Variants in VCL observed in about 807,000 individuals in gnomAD.
VCL encodes the protein vinculin, also known as epididymis luminal protein 114.
Under a neutral mutation model 125.7 loss-of-function variants are expected in VCL, and 47 were observed. That is an observed-to-expected ratio of 0.37 (90% CI 0.30 to 0.48). The LOEUF (loss-of-function observed/expected upper bound fraction) is 0.48. VCL is among the 20% of genes least tolerant of loss of function. VCL has a pLI of 0.99. For missense variants in VCL, 1,069 were observed against 1,455.5 expected, an observed-to-expected ratio of 0.73 and a Z score of 4.32; for synonymous variants, 458 against 514.6, an observed-to-expected ratio of 0.89 and a Z score of 1.49.
intron 20 of VCL, 151 bp downstream of exon 20, chr10:74,114,538 C>T (rs775023669): frequency 9.4e-7 from 1 of 1,060,766 alleles, no homozygotes. Context: ...ACAGAAATAG[C>T]AGAAAGGGAA....
chr10:74,105,299 A>T lies in VCL; in HGVS notation c.2380A>T (p.Ile794Phe), dbSNP rs1840113947. 6.2e-7 allele frequency: 1 copy of T among 1,613,246 alleles called. No individual in the cohort carries two copies. The highest frequency in any genetic ancestry group is 1.3e-5 in the African/African-American group (1 of 74,852). Reference protein sequence around the residue: ...KAASDELSKTISPMVMDAKAV... With the variant: ...KAASDELSKTFSPMVMDAKAV... Reference sequence around the variant, plus strand: ...TGCCTCTGATGAATTGAGCAAAACCATCTCCCCGATGGTGATGGATGCAAA... The same window carrying T: ...TGCCTCTGATGAATTGAGCAAAACCTTCTCCCCGATGGTGATGGATGCAAA... Residue 794 changes from isoleucine (I) to phenylalanine (F), a missense_variant, in exon 16 of 22, where the codon ATC becomes TTC. By Grantham distance (21) the Ile-to-Phe change is conservative. This residue lies in a region of VCL where 760 missense variants were observed against 928.9 expected (regional missense o/e 0.82). Coordinates refer to ENST00000211998, the MANE Select transcript of VCL (RefSeq NM_014000.3).
At chr10:74,075,793 G>C (rs1036368873) in intron 6 of VCL, 1 of 152,616 alleles carries the variant, frequency 6.6e-6, no homozygotes, top group African/African-American at 2.4e-5. Flanking sequence ...TATGTTCTCC[G>C]GGATCTGTAA....
chr10:74,039,645 G>A (rs1841057066), intron 1 of VCL, among the ~76,000 whole-genome samples: 1 of 151,994 alleles, frequency 6.6e-6, no homozygotes, highest in Admixed American at 6.6e-5. Context: ...AATTAGCTAG[G>A]CGTGGTGTCT....
intron 10 of VCL, 38 bp downstream of exon 10, chr10:74,090,236 T>C (rs542252996): frequency 4.4e-6 from 7 of 1,608,312 alleles, no homozygotes; most frequent in Non-Finnish European, 6.0e-6. Context: ...TTCATATCTT[T>C]TCTTCTCTTT....
In VCL at chr10:74,102,860, C is replaced by T. The variant is rs576923420; in HGVS notation, c.2023-960C>T. Among the ~76,000 whole-genome samples the T allele has an allele frequency of 2.6e-5, 4 of 152,074 alleles. 1 individual carries two copies. The highest frequency in any genetic ancestry group is 4.8e-5 in the African/African-American group (2 of 41,478). On this transcript the variant is annotated intron_variant, in intron 14 of 21. Transcript: ENST00000211998. ...TCTGGAGACAGATTTGGACTTGAGA[C>T]CTCTGTGAGTTTTTTTTTTTTTCCG...
chr10:74,005,805 A>G (rs1183965152), intron 1 of VCL, among the ~76,000 whole-genome samples: 2 of 152,148 alleles, frequency 1.3e-5, no homozygotes, highest in African/African-American at 4.8e-5. Context: ...TGTAATACCT[A>G]ATATGATGTA....
chr10:74,031,818 A>G (rs945450244), intron 1 of VCL, among the ~76,000 whole-genome samples: 21 of 152,048 alleles, frequency 1.4e-4, no homozygotes. Context: ...TAATCCCAGC[A>G]CTTTGGGAGG....
At chr10:74,113,905 T>C (rs1256286596) in intron 19 of VCL, among the ~76,000 whole-genome samples, 2 of 152,214 alleles carry the variant, frequency 1.3e-5, no homozygotes, top group Non-Finnish European at 2.9e-5. Context: ...GGTCTTCCTT[T>C]TTTTTAGTCA....
chr10:74,074,602 C>A, intron 5 of VCL, 141 bp from the exon 6 acceptor site: 1 of 930,190 alleles, frequency 1.1e-6, no homozygotes, highest in Non-Finnish European at 1.6e-6. Context: ...ACTTTATTGT[C>A]AAACTTGTAG....
At chr10:74,010,047 C>A (rs1840402763) in intron 1 of VCL, among the ~76,000 whole-genome samples, 1 of 152,128 alleles carries the variant, frequency 6.6e-6, no homozygotes, top group Non-Finnish European at 1.5e-5. Flanking sequence ...TCTTCAGCCT[C>A]CCAAGTAGCC....
intron 1 of VCL, among the ~76,000 whole-genome samples, chr10:74,031,560 A>G (rs1051097536): frequency 6.6e-6 from 1 of 152,228 alleles, no homozygotes; most frequent in African/African-American, 2.4e-5. Flanking sequence ...AGCCTTCTTA[A>G]GTGTTACACC....
intron 8 of VCL, among the ~76,000 whole-genome samples, chr10:74,087,436 C>G (rs1262196300): frequency 6.8e-6 from 1 of 147,314 alleles, no homozygotes; most frequent in Non-Finnish European, 1.5e-5. Flanking sequence ...AGCTCTGCCT[C>G]CCGGGTTCAC....
intron 13 of VCL, among the ~76,000 whole-genome samples, chr10:74,098,915 G>C (rs1840009996): frequency 6.6e-6 from 1 of 152,074 alleles, no homozygotes; most frequent in African/African-American, 2.4e-5. Flanking sequence ...TTGTCCTTCT[G>C]TTCTCTCTCA....
intron 2 of VCL, among the ~76,000 whole-genome samples, chr10:74,053,830 C>T (rs868194596): frequency 1.4e-4 from 22 of 151,986 alleles, no homozygotes; most frequent in African/African-American, 5.3e-4. Context: ...AGACTGGTCT[C>T]GAACTCCTGA....
At chr10:74,046,257 T>A (rs771877260) in intron 2 of VCL, among the ~76,000 whole-genome samples, 4 of 152,136 alleles carry the variant, frequency 2.6e-5, no homozygotes, top group African/African-American at 9.7e-5. Context: ...GTAATATATA[T>A]ATATTTTTGA....
At chr10:74,018,201 T>TATATATATATAAAA (rs1433937715) in intron 1 of VCL, among the ~76,000 whole-genome samples, 8 of 139,808 alleles carry the variant, frequency 5.7e-5, no homozygotes, top group Admixed American at 2.2e-4. Context: ...TATATATATA[T>TATATATATATAAAA]AAATACATAT....
intron 2 of VCL, among the ~76,000 whole-genome samples, chr10:74,046,172 C>T (rs1204551028): frequency 2.0e-5 from 3 of 152,092 alleles, no homozygotes; most frequent in Admixed American, 6.6e-5. Context: ...CTTCATTGGA[C>T]TTGGTGATCT....
Position 74,094,371 on chromosome 10 carries a change from A to T in VCL, c.1453A>T (p.Arg485Ter). ...TKTNRAVANS[R>*]PAKAAVHLEG... The stretch of plus-strand genomic sequence containing the variant: ...AACCAACCGGGCTGTGGCCAACAGC[A>T]GACCGGCCAAAGCAGCTGTACACCT... Residue 485 changes from arginine to a stop codon, truncating the protein, a stop_gained, in exon 11 of 22, where the codon AGA becomes TGA. Transcript: ENST00000211998. LOFTEE classifies it high-confidence loss of function. 1 of 1,614,226 alleles carries T rather than the reference A, an allele frequency of 6.2e-7. No individual in the cohort carries two copies. Among genetic ancestry groups the T allele is most frequent in the Non-Finnish European group, 8.5e-7 (1 of 1,180,034 alleles).
intron 18 of VCL, among the ~76,000 whole-genome samples, chr10:74,110,224 G>A (rs1045849413): frequency 1.3e-5 from 2 of 152,132 alleles, no homozygotes; most frequent in African/African-American, 4.8e-5. Context: ...GTGGGGGAGG[G>A]TGACAGTGAA....
Sources: gnomAD v4.1 joint callset for allele counts (sites outside exome capture counted in the v4.1 genomes callset) on GRCh38, gnomAD v4.1.1 for gene constraint, gnomAD v4.1.1 regional missense constraint, MANE v1.5 for transcripts, NCBI Gene and HGNC (gene_info 2026-07-23, HGNC 2026-07-21) for gene names.